Variants in MTMR10 observed in about 807,000 individuals in gnomAD.
MTMR10 encodes the protein myotubularin-related protein 10.
A neutral mutation model predicts 88.1 loss-of-function variants in MTMR10; 56 were observed. The observed-to-expected ratio is 0.64, with a 90% CI of 0.51 to 0.79. The LOEUF (loss-of-function observed/expected upper bound fraction) is 0.79. Ranked by LOEUF, MTMR10 falls within the 30% of genes least tolerant of loss-of-function variation. The probability of loss-of-function intolerance (pLI) is 0.00; values close to 1 mark genes in which losing one functional copy is unlikely to be tolerated. For synonymous variants in MTMR10, 380 were observed against 340.9 expected (o/e 1.11, Z -1.26); for missense variants, 883 against 924.7 (o/e 0.95, Z 0.58).
intron 2 of MTMR10, among the ~76,000 whole-genome samples, chr15:30,990,241 G>A (rs566609050): frequency 1.3e-5 from 2 of 152,226 alleles, no homozygotes; most frequent in Admixed American, 1.3e-4. Context: ...GTGGGTGGAG[G>A]CCATCTTTGT....
chr15:30,920,483 T>C, the MTMR10 span: 1 of 1,041,270 alleles, frequency 9.6e-7, no homozygotes, highest in Admixed American at 1.9e-5. Context: ...TGTCACTTGT[T>C]ATTATTGTCT....
At chr15:30,933,649 GTGT>G in the MTMR10 span, among the ~76,000 whole-genome samples, 4 of 152,126 alleles carry the variant, frequency 2.6e-5, no homozygotes, top group Non-Finnish European at 5.9e-5. Flanking sequence ...TTGGTTGATA[GTGT>G]TGTTTAAGTT....
At chr15:30,943,416 T>C (rs2063116362) in intron 14 of MTMR10, 1 of 984,542 alleles carries the variant, frequency 1.0e-6, no homozygotes, top group Non-Finnish European at 1.2e-6. Flanking sequence ...AATTACAGTA[T>C]TTTACTTTTA....
chr15:30,922,577 G>T, the MTMR10 span, among the ~76,000 whole-genome samples: 2 of 152,134 alleles, frequency 1.3e-5, no homozygotes, highest in Non-Finnish European at 2.9e-5. Flanking sequence ...TTGCTGATTG[G>T]CGAGATGGGC....
At chr15:30,927,214 AAAAC>A in the MTMR10 span, 100 of 974,770 alleles carry the variant, frequency 1.0e-4, no homozygotes, top group South Asian at 5.2e-4. Context: ...GTCTCAAAAC[AAAAC>A]AAACAAAGGA....
intron 5 of MTMR10, among the ~76,000 whole-genome samples, chr15:30,971,194 T>C (rs2063534012): frequency 6.6e-6 from 1 of 152,188 alleles, no homozygotes. Flanking sequence ...TCATTTGTCC[T>C]GGCTACCACA....
chr15:30,988,125 G>A (rs552082708), intron 2 of MTMR10, among the ~76,000 whole-genome samples: 9 of 152,254 alleles, frequency 5.9e-5, no homozygotes, highest in Non-Finnish European at 1.5e-5. Context: ...TAGAGCAGTA[G>A]GCTACAGGCC....
In MTMR10 at chr15:30,941,052, C is replaced by G; in HGVS notation, c.*418G>C. The G allele has an allele frequency of 2.5e-6, 3 of 1,190,256 alleles. No homozygotes were observed. Among genetic ancestry groups the G allele is most frequent in the Non-Finnish European group, 3.2e-6 (3 of 944,736 alleles). The allele number at this position is 1,190,256 out of a possible 1,614,324, so 73.7% of individuals were successfully genotyped here. A position where few individuals can be genotyped will look rare whatever the true frequency, so the allele number is the denominator to read the frequency against. ...TAACCAGAAAAATACATGAATACTT[C>G]CTAAAACCTGCTGGAGGTTTTATCA... On this transcript the variant is annotated 3_prime_UTR_variant, in exon 16 of 16. Coordinates refer to ENST00000435680, the MANE Select transcript of MTMR10 (RefSeq NM_017762.3).
Position 30,948,484 on chromosome 15 carries a change from T to C in MTMR10, c.1208-13A>G, listed in dbSNP as rs1197549602. The C allele has an allele frequency of 2.5e-6, 4 of 1,586,006 alleles. No individual in the cohort carries two copies. Among genetic ancestry groups the C allele is most frequent in the African/African-American group, 1.4e-5 (1 of 74,040 alleles). On this transcript the variant is annotated splice_polypyrimidine_tract_variant and intron_variant, in intron 12 of 15. Coordinates refer to ENST00000435680, the MANE Select transcript of MTMR10 (RefSeq NM_017762.3). ...CTTCCTTCCTCCTCTGTTAATAAAA[T>C]GGAAAGAAAATGATTACAACATAGA...
intron 3 of MTMR10, among the ~76,000 whole-genome samples, chr15:30,976,571 G>A (rs1157451275): frequency 6.6e-6 from 1 of 152,112 alleles, no homozygotes; most frequent in African/African-American, 2.4e-5. Context: ...TTAATGAAAA[G>A]GACATATAAT....
intron 11 of MTMR10, among the ~76,000 whole-genome samples, chr15:30,953,327 G>A (rs2063277268): frequency 6.6e-6 from 1 of 152,180 alleles, no homozygotes; most frequent in African/African-American, 2.4e-5. Context: ...GCACAGCTGT[G>A]TTAAGGGCAT....
At chr15:30,929,864 T>TATA in the MTMR10 span, among the ~76,000 whole-genome samples, 15 of 61,788 alleles carry the variant, frequency 2.4e-4, 1 homozygote, top group African/African-American at 1.4e-3. Context: ...TCATATATAA[T>TATA]ATATATAAAA....
the MTMR10 span, chr15:30,925,226 A>G: frequency 1.2e-6 from 2 of 1,614,086 alleles, no homozygotes; most frequent in Non-Finnish European, 1.7e-6. Context: ...AGAGTCTCCG[A>G]GCTGTAAAAA....
the MTMR10 span, among the ~76,000 whole-genome samples, chr15:30,922,647 G>A: frequency 6.6e-6 from 1 of 152,204 alleles, no homozygotes; most frequent in East Asian, 1.9e-4. Context: ...GGGAAAGGGA[G>A]AGTCAGATGA....
Position 30,942,893 on chromosome 15 carries a change from T to C in MTMR10, c.1728A>G (p.Thr576=). ...QNGSVKSFKR[T]KKSYSSTLRG... Reference sequence around the variant, plus strand: ...CGTTTTGTTAGCTGTGATTTACCTTTGTCCGTTTAAAAGACTTCACGGAGC... The same window carrying C: ...CGTTTTGTTAGCTGTGATTTACCTTCGTCCGTTTAAAAGACTTCACGGAGC... Residue 576 remains threonine (T), a synonymous_variant, in exon 15 of 16, where the codon ACA becomes ACG. Coordinates refer to ENST00000435680, the MANE Select transcript of MTMR10 (RefSeq NM_017762.3). The C allele has an allele frequency of 1.3e-6, 2 of 1,560,672 alleles. No individual in the cohort carries two copies. The highest frequency in any genetic ancestry group is 1.7e-6 in the Non-Finnish European group (2 of 1,151,266).
rs565908636 is a variant in MTMR10, at chr15:30,941,935, C to T, written c.1869G>A (p.Gln623=). 1 of 1,614,020 alleles carries T rather than the reference C, an allele frequency of 6.2e-7. No individual in the cohort carries two copies. The highest frequency in any genetic ancestry group is 2.2e-5 in the East Asian group (1 of 44,884). The change falls in exon 16 of 16, where the codon CAG becomes CAA. Residue 623 remains glutamine, a synonymous_variant. Transcript: ENST00000435680. The part of the protein sequence containing the change: ...KPDPAQQTDS[Q]NSDTEQYFRE... Reference sequence around the variant, plus strand: ...TAAAATACTGCTCCGTATCACTGTTCTGGCTGTCGGTTTGCTGAGCTGGAT... The same window carrying T: ...TAAAATACTGCTCCGTATCACTGTTTTGGCTGTCGGTTTGCTGAGCTGGAT...
chr15:30,944,093 T>C (rs1410820902), intron 14 of MTMR10: 13 of 878,866 alleles, frequency 1.5e-5, no homozygotes, highest in Admixed American at 1.2e-4. Flanking sequence ...AGGACAAGAA[T>C]ATAGCAGTCA....
intron 12 of MTMR10, chr15:30,949,737 A>G: frequency 6.6e-6 from 1 of 152,246 alleles, no homozygotes; most frequent in East Asian, 1.9e-4. Flanking sequence ...CAACAGGTAA[A>G]TGGGTAAGCA....
Position 30,951,856 on chromosome 15 carries a change from T to C in MTMR10, c.1207+112A>G, listed in dbSNP as rs1177666020. Reference sequence around the variant, plus strand: ...ATCTGTAATGTATTTGATGGTACTGTAGTAAATAAGAAATAGCTAAAACTG... The same window carrying C: ...ATCTGTAATGTATTTGATGGTACTGCAGTAAATAAGAAATAGCTAAAACTG... On this transcript the variant is annotated intron_variant, in intron 12 of 15. Coordinates refer to ENST00000435680, the MANE Select transcript of MTMR10 (RefSeq NM_017762.3). 7 of 877,160 alleles carry C rather than the reference T, an allele frequency of 8.0e-6. No homozygotes were observed. In the East Asian group the frequency reaches 1.5e-4, roughly 19 times the overall value. 54.3% of individuals were successfully genotyped at this position (877,160 alleles called of 1,614,324 possible).
Sources: gnomAD v4.1 joint callset for allele counts (sites outside exome capture counted in the v4.1 genomes callset) on GRCh38, gnomAD v4.1.1 for gene constraint, MANE v1.5 for transcripts, NCBI Gene and HGNC (gene_info 2026-07-23, HGNC 2026-07-21) for gene names.